SYNE1: variants seen among roughly 807,000 people sequenced by gnomAD.
The protein encoded by SYNE1 is spectrin repeat containing nuclear envelope protein 1.
A neutral mutation model predicts 1,111.0 loss-of-function variants in SYNE1; 616 were observed. The ratio of observed to expected loss-of-function variants is 0.55; its 90% CI spans 0.52 to 0.59. The LOEUF (loss-of-function observed/expected upper bound fraction) is 0.59, where lower values mean the gene tolerates loss of function less well. SYNE1 is among the 20% of genes least tolerant of loss of function. The probability of loss-of-function intolerance (pLI) is 0.00; values close to 1 mark genes in which losing one functional copy is unlikely to be tolerated. For synonymous variants in SYNE1, 3,855 were observed against 3,825.8 expected (o/e 1.01, Z -0.28); for missense variants, 10,006 against 10,417.0 (o/e 0.96, Z 1.72).
chr6:152,564,767 G>A (rs1019796829), intron 3 of SYNE1, among the ~76,000 whole-genome samples: 1 of 152,138 alleles, frequency 6.6e-6, no homozygotes, highest in African/African-American at 2.4e-5. Context: ...ACAGACTTTG[G>A]GGTCTAGGAG....
At chr6:152,167,139 G>T (rs1258112098) in intron 130 of SYNE1, among the ~76,000 whole-genome samples, 2 of 152,186 alleles carry the variant, frequency 1.3e-5, no homozygotes, top group Non-Finnish European at 2.9e-5. Flanking sequence ...TTCTTTCACA[G>T]TCCAGTGTGT....
intron 117 of SYNE1, among the ~76,000 whole-genome samples, chr6:152,223,227 G>A (rs537099402): frequency 3.3e-5 from 5 of 152,290 alleles, no homozygotes; most frequent in African/African-American, 1.2e-4. Flanking sequence ...ATCCTCAGAA[G>A]AAGTTTTCGT....
At chr6:152,601,961 G>A (rs1467682852) in intron 3 of SYNE1, among the ~76,000 whole-genome samples, 1 of 152,056 alleles carries the variant, frequency 6.6e-6, no homozygotes, top group Non-Finnish European at 1.5e-5. Flanking sequence ...GTCCTGGATG[G>A]TCTTGCCCCT....
intron 139 of SYNE1, 27 bp downstream of exon 139, chr6:152,141,176 C>T: frequency 6.2e-7 from 1 of 1,614,028 alleles, no homozygotes; most frequent in East Asian, 2.2e-5. Context: ...ATTTCATTCA[C>T]TCTTGAACTG....
chr6:152,231,251 T>C, intron 114 of SYNE1, 140 bp downstream of exon 114: 2 of 810,846 alleles, frequency 2.5e-6, no homozygotes, highest in South Asian at 1.5e-5. Flanking sequence ...AAGTTTAGGG[T>C]GATTAACCTT....
In SYNE1 at chr6:152,596,098, T is replaced by TAAAAA. The variant is rs71017542; in HGVS notation, c.67+32162_67+32166dup. On this transcript the variant is annotated intron_variant, in intron 3 of 145. Transcript: ENST00000367255. Reference sequence around the variant, plus strand: ...AGTGTGCCTGGCAAAAAGGGCAATCTAAAAAAAAAAAAAAAAAAAAAAAAA... The same window carrying TAAAAA: ...AGTGTGCCTGGCAAAAAGGGCAATCTAAAAAAAAAAAAAAAAAAAAAAAAAAAAAA... 7.1e-3 allele frequency among the ~76,000 whole-genome samples: 131 copies of TAAAAA among 18,576 alleles called. 15 individuals are homozygous for TAAAAA. The highest frequency in any genetic ancestry group is 0.016 in the African/African-American group (94 of 6,056). 12.2% of individuals were successfully genotyped at this position (18,576 alleles called of 152,430 possible). A position where few individuals can be genotyped will look rare whatever the true frequency, so the allele number is the denominator to read the frequency against.
chr6:152,526,110 G>C lies in SYNE1; in HGVS notation c.195C>G (p.Ala65=). The change falls in exon 5 of 146, where the codon GCC becomes GCG. Residue 65 remains alanine (A), a synonymous_variant. Transcript: ENST00000367255. ...EDMKDGVKLL[A]LLEVLSGQKL... Reference sequence around the variant, plus strand: ...TCTGCCCAGACAGGACCTCCAGAAGGGCAAGCAGTTTAACACCATCTTTCA... The same window carrying C: ...TCTGCCCAGACAGGACCTCCAGAAGCGCAAGCAGTTTAACACCATCTTTCA... The C allele has an allele frequency of 6.2e-7, 1 of 1,614,056 alleles. No individual in the cohort carries two copies. Among genetic ancestry groups the C allele is most frequent in the Non-Finnish European group, 8.5e-7 (1 of 1,179,990 alleles).
chr6:152,604,030 T>C (rs139543372), intron 3 of SYNE1, among the ~76,000 whole-genome samples: 49 of 150,590 alleles, frequency 3.3e-4, no homozygotes, highest in African/African-American at 1.1e-3. Context: ...ATCTAGAACA[T>C]ATATATGTAT....
chr6:152,322,708 C>T (rs1037066184), intron 82 of SYNE1, among the ~76,000 whole-genome samples: 1 of 152,100 alleles, frequency 6.6e-6, no homozygotes, highest in Non-Finnish European at 1.5e-5. Context: ...CCCGCATCAC[C>T]CAAGGAGCTC....
intron 5 of SYNE1, among the ~76,000 whole-genome samples, chr6:152,520,747 C>T (rs1179544796): frequency 2.0e-5 from 3 of 152,170 alleles, no homozygotes; most frequent in Non-Finnish European, 2.9e-5. Context: ...TCAATAAGTG[C>T]ATTCATTCTC....
chr6:152,332,022 G>A (rs1471836126), intron 77 of SYNE1, 132 bp from the exon 78 acceptor site: 3 of 1,321,070 alleles, frequency 2.3e-6, no homozygotes, highest in East Asian at 4.7e-5. Context: ...CCAGGCTGGA[G>A]TGCAATGAAT....
At chr6:152,614,313 G>C (rs1350019332) in intron 3 of SYNE1, among the ~76,000 whole-genome samples, 1 of 152,296 alleles carries the variant, frequency 6.6e-6, no homozygotes, top group Non-Finnish European at 1.5e-5. Context: ...CCATCAAAAA[G>C]TGGGCAAAGG....
intron 6 of SYNE1, 67 bp downstream of exon 6, chr6:152,520,392 C>T: frequency 1.3e-6 from 2 of 1,482,314 alleles, no homozygotes; most frequent in Non-Finnish European, 1.9e-6. Context: ...AGATAGGAGC[C>T]AATACTGAAA....
At chr6:152,483,640 G>C (rs974654481) in intron 13 of SYNE1, among the ~76,000 whole-genome samples, 22 of 152,080 alleles carry the variant, frequency 1.4e-4, no homozygotes, top group Admixed American at 3.3e-4. Flanking sequence ...GTGTATCTTG[G>C]TCGTCGGAAT....
chr6:152,609,217 C>G (rs538161775), intron 3 of SYNE1, among the ~76,000 whole-genome samples: 1 of 152,142 alleles, frequency 6.6e-6, no homozygotes, highest in South Asian at 2.1e-4. Context: ...CCTTTCTTAG[C>G]CAAGGGAAGC....
At chr6:152,282,055 G>T in intron 96 of SYNE1, 75 bp from the exon 97 acceptor site, 1 of 1,483,296 alleles carries the variant, frequency 6.7e-7, no homozygotes, top group Non-Finnish European at 9.3e-7. Context: ...TAAAGCAATG[G>T]TTCCAGGCCC....
chr6:152,202,346 CAA>C lies in SYNE1; in HGVS notation c.23020-399_23020-398del, dbSNP rs35563822. Among the ~76,000 whole-genome samples, 251 of 48,034 alleles carry C rather than the reference CAA, an allele frequency of 5.2e-3. No homozygotes were observed. The South Asian group carries it at 0.14, about 26-fold the overall frequency. The allele number at this position is 48,034 out of a possible 152,430, so 31.5% of individuals were successfully genotyped here. A position where few individuals can be genotyped will look rare whatever the true frequency, so the allele number is the denominator to read the frequency against. ...TAGGCAAAAGAGCGAGACTCTGTCT[CAA>C]AAAAAAAAAAAAAAAAAAAAAGCAA... On this transcript the variant is annotated intron_variant, in intron 126 of 145. Transcript: ENST00000367255.
intron 130 of SYNE1, among the ~76,000 whole-genome samples, chr6:152,173,184 TCTAAA>T (rs144432226): frequency 0.14 from 21,390 of 152,070 alleles, 2,279 homozygotes; most frequent in East Asian, 0.3. Flanking sequence ...CTCAGAGTAA[TCTAAA>T]CTAATCTGAT....
Position 152,234,818 on chromosome 6 carries a change from G to T in SYNE1, c.20397-18C>A, listed in dbSNP as rs747189364. On this transcript the variant is annotated intron_variant, in intron 110 of 145. Transcript: ENST00000367255. ...TTTGATATCTGTTAAGTATATTATG[G>T]AGTCCATTAAGTAAACATTTCATCC... The T allele has an allele frequency of 1.1e-5, 18 of 1,613,588 alleles. No homozygotes were observed. Among genetic ancestry groups the T allele is most frequent in the Non-Finnish European group, 1.5e-5 (18 of 1,179,764 alleles).
Sources: gnomAD v4.1 joint callset for allele counts (sites outside exome capture counted in the v4.1 genomes callset) on GRCh38, gnomAD v4.1.1 for gene constraint, MANE v1.5 for transcripts, NCBI Gene and HGNC (gene_info 2026-07-23, HGNC 2026-07-21) for gene names.